The following ANKRD6 variants were observed in gnomAD, a reference collection of about 807,000 sequenced individuals.
ANKRD6 encodes ankyrin repeat domain-containing protein 6.
ANKRD6 carries 56 observed loss-of-function variants against 82.3 expected under a neutral mutation model. The observed-to-expected ratio is 0.68, with a 90% confidence interval of 0.55 to 0.85. The LOEUF (loss-of-function observed/expected upper bound fraction) is 0.85, where lower values mean the gene tolerates loss of function less well. Among genes scored for constraint, ANKRD6 ranks in the 40% least tolerant of loss-of-function variants. The pLI is 0.00. For synonymous variants in ANKRD6, 347 were observed against 352.1 expected, an observed-to-expected ratio of 0.99 and a Z score of 0.16; for missense variants, 852 against 907.6, an observed-to-expected ratio of 0.94 and a Z score of 0.79.
rs1015990978 is a variant in ANKRD6, at chr6:89,438,656, T to C, written c.-144+5281T>C. ...TTTATGTAATTTATTTCTAACTTTT[T>C]TTTTTAGACAAAATCTCGCTCTGTT... On this transcript the variant is annotated intron_variant, in intron 1 of 15. Coordinates refer to ENST00000339746, the MANE Select transcript of ANKRD6 (RefSeq NM_001242809.2). Among the ~76,000 whole-genome samples the C allele has an allele frequency of 7.2e-5, 11 of 152,336 alleles. 1 individual carries two copies. In the South Asian group the frequency reaches 1.2e-3, roughly 17 times the overall value.
At chr6:89,448,845 A>T (rs1424681698) in intron 1 of ANKRD6, among the ~76,000 whole-genome samples, 1 of 152,012 alleles carries the variant, frequency 6.6e-6, no homozygotes, top group African/African-American at 2.4e-5. Context: ...CTTGGCTAAC[A>T]CGGTGAAACC....
intron 1 of ANKRD6, among the ~76,000 whole-genome samples, chr6:89,484,986 G>C (rs1339624404): frequency 6.6e-6 from 1 of 152,096 alleles, no homozygotes; most frequent in Non-Finnish European, 1.5e-5. Flanking sequence ...TCAACTCAGG[G>C]GCCCTTGGAA....
rs1178799641 is a variant in ANKRD6, at chr6:89,633,719, G to A, written c.*2715G>A. Reference sequence around the variant, plus strand: ...TGTGGAGTCAAGTGTTGATATACTTGAGGCATGTTATGTGTCTTCTAATTA... The same window carrying A: ...TGTGGAGTCAAGTGTTGATATACTTAAGGCATGTTATGTGTCTTCTAATTA... On this transcript the variant is annotated 3_prime_UTR_variant, in exon 16 of 16. Transcript: ENST00000339746. The A allele has an allele frequency of 6.6e-6, 1 of 152,192 alleles. No homozygotes were observed. The highest frequency in any genetic ancestry group is 1.5e-5 in the Non-Finnish European group (1 of 68,032). 9.4% of individuals were successfully genotyped at this position (152,192 alleles called of 1,614,324 possible). A position where few individuals can be genotyped will look rare whatever the true frequency, so the allele number is the denominator to read the frequency against.
At chr6:89,564,836 TA>T (rs1788124809) in intron 1 of ANKRD6, among the ~76,000 whole-genome samples, 3 of 151,966 alleles carry the variant, frequency 2.0e-5, no homozygotes, top group South Asian at 4.2e-4. Context: ...GTCTAGTGTC[TA>T]GAGTTAACAA....
At chr6:89,486,029 T>C (rs1777326561) in intron 1 of ANKRD6, among the ~76,000 whole-genome samples, 3 of 152,226 alleles carry the variant, frequency 2.0e-5, no homozygotes. Flanking sequence ...AATAACTACA[T>C]TTTGATACAT....
intron 1 of ANKRD6, among the ~76,000 whole-genome samples, chr6:89,500,355 T>A (rs182910896): frequency 1.3e-3 from 192 of 152,172 alleles, no homozygotes; most frequent in Non-Finnish European, 2.0e-3. Flanking sequence ...AAGATAGAAA[T>A]ACTACCCTGA....
intron 1 of ANKRD6, among the ~76,000 whole-genome samples, chr6:89,512,616 C>T (rs758538744): frequency 6.6e-6 from 1 of 152,110 alleles, no homozygotes; most frequent in Non-Finnish European, 1.5e-5. Flanking sequence ...TTGGGGTAAA[C>T]CTGGACTTTG....
chr6:89,450,539 G>T (rs997769007), intron 1 of ANKRD6, among the ~76,000 whole-genome samples: 45 of 152,220 alleles, frequency 3.0e-4, no homozygotes, highest in African/African-American at 1.0e-3. Flanking sequence ...ATATTTTTCA[G>T]AGGGAGTCTC....
At chr6:89,596,140 C>G (rs1795842137) in intron 3 of ANKRD6, 126 bp downstream of exon 3, 1 of 810,332 alleles carries the variant, frequency 1.2e-6, no homozygotes, top group Admixed American at 2.1e-5. Context: ...TTAGCTGCAT[C>G]TTGGTCTCTG....
At chr6:89,622,870 G>A (rs980288697) in intron 10 of ANKRD6, among the ~76,000 whole-genome samples, 12 of 152,048 alleles carry the variant, frequency 7.9e-5, no homozygotes, top group Admixed American at 6.6e-5. Flanking sequence ...CCAGGGTTAA[G>A]GCATTACAAC....
intron 1 of ANKRD6, among the ~76,000 whole-genome samples, chr6:89,477,727 T>C (rs1425352061): frequency 4.9e-5 from 7 of 144,200 alleles, no homozygotes; most frequent in Non-Finnish European, 9.0e-5. Flanking sequence ...GCCGAGATTG[T>C]GCCACTGCAC....
Position 89,618,113 on chromosome 6 carries a change from C to T in ANKRD6, c.792+82C>T, listed in dbSNP as rs758287194. On this transcript the variant is annotated intron_variant, in intron 9 of 15. Transcript: ENST00000339746. ...GACTCCTGGTTGCAATCTACTGAAGCCTCTTCAAACTAACTTAAATATGGA... is the reference window on the plus strand; with the variant it reads ...GACTCCTGGTTGCAATCTACTGAAGTCTCTTCAAACTAACTTAAATATGGA... 8 of 1,419,504 alleles carry T rather than the reference C, an allele frequency of 5.6e-6. No homozygotes were observed. In the African/African-American group the frequency reaches 1.1e-4, roughly 20 times the overall value. 87.9% of individuals were successfully genotyped at this position (1,419,504 alleles called of 1,614,324 possible). A position where few individuals can be genotyped will look rare whatever the true frequency, so the allele number is the denominator to read the frequency against.
At position 89,612,373 on chromosome 6, in the gene ANKRD6, G is replaced by T; in HGVS notation, c.516+3G>T. The stretch of plus-strand genomic sequence containing the variant: ...CCCGCGCTGACCTCAAAAATAATGT[G>T]GGTGAACAAAACCAGATTCTCACGT... On this transcript the variant is annotated splice_donor_region_variant and intron_variant, in intron 6 of 15. Coordinates refer to ENST00000339746, the MANE Select transcript of ANKRD6 (RefSeq NM_001242809.2). 6.5e-7 allele frequency: 1 copy of T among 1,548,390 alleles called. No individual in the cohort carries two copies. Among genetic ancestry groups the T allele is most frequent in the Non-Finnish European group, 8.7e-7 (1 of 1,143,100 alleles).
chr6:89,515,706 T>A (rs1371759332), intron 1 of ANKRD6, among the ~76,000 whole-genome samples: 1 of 151,956 alleles, frequency 6.6e-6, no homozygotes, highest in Non-Finnish European at 1.5e-5. Context: ...ATTATCTGGG[T>A]AGGATCTTGG....
intron 1 of ANKRD6, among the ~76,000 whole-genome samples, chr6:89,529,417 A>C (rs1782883365): frequency 6.6e-6 from 1 of 152,130 alleles, no homozygotes; most frequent in Non-Finnish European, 1.5e-5. Context: ...AAAACTGAAG[A>C]GAGTTAGGGC....
Position 89,574,938 on chromosome 6 carries a change from G to C in ANKRD6, c.120+7842G>C, listed in dbSNP as rs1245138330. 2.0e-5 allele frequency among the ~76,000 whole-genome samples: 3 copies of C among 152,194 alleles called. No individual in the cohort carries two copies. The East Asian group carries it at 5.8e-4, about 29-fold the overall frequency. ...GTACATACAGGAGCCTTCAGAATGA[G>C]GACCCAAAAATGCAGGGGAAATTGT... On this transcript the variant is annotated intron_variant, in intron 2 of 15. Transcript: ENST00000339746.
At chr6:89,472,176 A>G (rs747965504) in intron 1 of ANKRD6, among the ~76,000 whole-genome samples, 31 of 152,212 alleles carry the variant, frequency 2.0e-4, no homozygotes, top group Admixed American at 3.9e-4. Flanking sequence ...TCCCCATTCT[A>G]TAAGACACAA....
intron 13 of ANKRD6, among the ~76,000 whole-genome samples, chr6:89,626,362 G>A (rs897427037): frequency 3.9e-5 from 6 of 152,150 alleles, no homozygotes; most frequent in East Asian, 3.9e-4. Flanking sequence ...AGAAAGGACC[G>A]TGGCACCCTT....
intron 1 of ANKRD6, among the ~76,000 whole-genome samples, chr6:89,546,329 T>C (rs888851994): frequency 1.3e-5 from 2 of 152,184 alleles, no homozygotes; most frequent in African/African-American, 4.8e-5. Context: ...TTAAGAAATA[T>C]ATATACCAGT....
Sources: allele counts gnomAD v4.1 joint callset (sites outside exome capture counted in the v4.1 genomes callset), GRCh38; gene constraint gnomAD v4.1.1; transcripts MANE v1.5; gene names NCBI Gene and HGNC (gene_info 2026-07-23, HGNC 2026-07-21).